CDH5: variants seen among roughly 807,000 people sequenced by gnomAD.
CDH5 encodes cadherin-5.
Under a neutral mutation model 62.0 loss-of-function variants are expected in CDH5, and 28 were observed. The ratio of observed to expected loss-of-function variants is 0.45; its 90% CI spans 0.33 to 0.62. The LOEUF (loss-of-function observed/expected upper bound fraction) is 0.62. Among genes scored for constraint, CDH5 ranks in the 20% least tolerant of loss-of-function variants. The probability of loss-of-function intolerance (pLI) is 0.02; values close to 1 mark genes in which losing one functional copy is unlikely to be tolerated. For missense variants in CDH5, 940 were observed against 1,065.1 expected, an observed-to-expected ratio of 0.88 and a Z score of 1.63; for synonymous variants, 464 against 445.8, an observed-to-expected ratio of 1.04 and a Z score of -0.52.
In CDH5 at chr16:66,386,861, A is replaced by G; in HGVS notation, c.263A>G (p.Tyr88Cys). 1.9e-6 allele frequency: 3 copies of G among 1,614,124 alleles called. No individual in the cohort carries two copies. The highest frequency in any genetic ancestry group is 2.5e-6 in the Non-Finnish European group (3 of 1,180,000). Residue 88 changes from tyrosine (Y) to cysteine (C), a missense_variant, in exon 3 of 12, where the codon TAT (tyrosine) becomes TGT (cysteine). By Grantham distance (194) the Tyr-to-Cys change is radical. Coordinates refer to ENST00000341529, the MANE Select transcript of CDH5 (RefSeq NM_001795.5). Reference protein sequence around the residue: ...KNAKYLLKGEYVGKVFRVDAE... With the variant: ...KNAKYLLKGECVGKVFRVDAE... ...GCCAAGTACCTGCTCAAAGGAGAAT[A>G]TGTGGGCAAGGTCTTCCGGGTCGAT... is the stretch of plus-strand genomic sequence containing the variant.
At chr16:66,391,196 C>T (rs761567316) in intron 6 of CDH5, among the ~76,000 whole-genome samples, 2 of 152,196 alleles carry the variant, frequency 1.3e-5, no homozygotes, top group Non-Finnish European at 2.9e-5. Flanking sequence ...GAGTCCTTCT[C>T]TGAACCAGCC....
chr16:66,378,797 C>A (rs904728287), intron 1 of CDH5, among the ~76,000 whole-genome samples: 2 of 152,134 alleles, frequency 1.3e-5, no homozygotes, highest in African/African-American at 4.8e-5. Context: ...CTCCCCAGTT[C>A]GGAGTTCATC....
At position 66,398,005 on chromosome 16, in the gene CDH5, A is replaced by G; in HGVS notation, c.1384A>G (p.Ile462Val). Residue 462 changes from isoleucine (I) to valine (V), a missense_variant, in exon 9 of 12, where the codon ATT becomes GTT. By Grantham distance (29) the Ile-to-Val change is conservative. Transcript: ENST00000341529. ...AGGAACCCCCACAGGAAAAGAATCCATTGTGCAAGTCCACATTGAAGTTTT... is the reference window on the plus strand; with the variant it reads ...AGGAACCCCCACAGGAAAAGAATCCGTTGTGCAAGTCCACATTGAAGTTTT... ...STGTPTGKES[I>V]VQVHIEVLDE... is the part of the protein sequence containing the mutation. The G allele has an allele frequency of 2.5e-6, 4 of 1,614,222 alleles. No homozygotes were observed. Among genetic ancestry groups the G allele is most frequent in the Non-Finnish European group, 3.4e-6 (4 of 1,180,034 alleles).
intron 1 of CDH5, among the ~76,000 whole-genome samples, chr16:66,370,159 C>T (rs1960660204): frequency 6.6e-6 from 1 of 152,124 alleles, no homozygotes; most frequent in Admixed American, 6.5e-5. Flanking sequence ...TGCTACCATG[C>T]CTAGCTAATT....
intron 1 of CDH5, among the ~76,000 whole-genome samples, chr16:66,374,276 G>A (rs1460724891): frequency 3.9e-5 from 6 of 152,194 alleles, no homozygotes; most frequent in African/African-American, 1.4e-4. Flanking sequence ...CTGGCATGGG[G>A]GTGCAAATGG....
chr16:66,375,186 C>T (rs545029681), intron 1 of CDH5, among the ~76,000 whole-genome samples: 19 of 152,234 alleles, frequency 1.2e-4, no homozygotes, highest in South Asian at 8.3e-4. Context: ...AATTTTAACA[C>T]GACAGCAAGT....
At chr16:66,379,735 G>C (rs192783473) in intron 2 of CDH5, among the ~76,000 whole-genome samples, 188 bp downstream of exon 2, 4 of 152,170 alleles carry the variant, frequency 2.6e-5, no homozygotes, top group Admixed American at 2.6e-4. Context: ...TGGTGGTAAT[G>C]GTAGCAATGG....
intron 9 of CDH5, 135 bp from the exon 10 acceptor site, chr16:66,398,321 G>A (rs926491851): frequency 2.7e-5 from 21 of 774,456 alleles, no homozygotes; most frequent in Admixed American, 6.5e-5. Flanking sequence ...GCTTTATGAA[G>A]AACTAAATAG....
intron 1 of CDH5, among the ~76,000 whole-genome samples, chr16:66,374,954 C>T (rs538247315): frequency 2.0e-5 from 3 of 152,094 alleles, no homozygotes; most frequent in African/African-American, 7.2e-5. Flanking sequence ...CCTCTCCCCC[C>T]ACCCCACGAC....
At chr16:66,389,591 G>A in intron 5 of CDH5, 69 bp downstream of exon 5, 1 of 1,332,074 alleles carries the variant, frequency 7.5e-7, no homozygotes, top group Non-Finnish European at 1.0e-6. Flanking sequence ...TTGGGGCTCT[G>A]GGAAAAGAGT....
intron 7 of CDH5, chr16:66,392,587 T>G (rs1961108402): frequency 1.6e-6 from 1 of 619,816 alleles, no homozygotes; most frequent in Admixed American, 3.0e-5. Context: ...CCACCTAGCA[T>G]GGTCCTGGGC....
chr16:66,396,021 G>C, intron 7 of CDH5, 38 bp from the exon 8 acceptor site: 14 of 1,607,348 alleles, frequency 8.7e-6, no homozygotes, highest in Non-Finnish European at 1.2e-5. Flanking sequence ...ACTCAGCAAA[G>C]AACAATGGAA....
chr16:66,379,694 A>T lies in CDH5; in HGVS notation c.210+147A>T, dbSNP rs114680790. ...GATGATAAGGGTGAAGGTGGTAGCA[A>T]TAGTGGTAGAGGTCGTGGTGGTAGA... On this transcript the variant is annotated intron_variant, in intron 2 of 11. Transcript: ENST00000341529. 5.4e-5 allele frequency: 37 copies of T among 687,298 alleles called. No homozygotes were observed. The African/African-American group carries it at 6.2e-4, about 11-fold the overall frequency. 42.6% of individuals were successfully genotyped at this position (687,298 alleles called of 1,614,324 possible). A position where few individuals can be genotyped will look rare whatever the true frequency, so the allele number is the denominator to read the frequency against.
chr16:66,383,336 C>T (rs1179600349), intron 2 of CDH5, among the ~76,000 whole-genome samples: 6 of 152,082 alleles, frequency 3.9e-5, no homozygotes, highest in Non-Finnish European at 7.4e-5. Context: ...GTTCATACTC[C>T]GGGAAAAAGA....
intron 1 of CDH5, chr16:66,377,275 GC>G (rs1960803336): frequency 6.6e-6 from 1 of 152,192 alleles, no homozygotes; most frequent in Non-Finnish European, 1.5e-5. Context: ...CCCTTCAAGG[GC>G]CTCAAGTCTC....
chr16:66,403,181 C>T lies in CDH5; in HGVS notation c.*12C>T, dbSNP rs1961329677. 3 of 1,597,974 alleles carry T rather than the reference C, an allele frequency of 1.9e-6. No homozygotes were observed. The highest frequency in any genetic ancestry group is 1.1e-5 in the South Asian group (1 of 89,348). Reference sequence around the variant, plus strand: ...AGCTGCTGTATTAGGCGGCCGAGGTCACTCTGGGCCTGGGGACCCAAACCC... The same window carrying T: ...AGCTGCTGTATTAGGCGGCCGAGGTTACTCTGGGCCTGGGGACCCAAACCC... On this transcript the variant is annotated 3_prime_UTR_variant, in exon 12 of 12. Coordinates refer to ENST00000341529, the MANE Select transcript of CDH5 (RefSeq NM_001795.5). This position sits in a 1 kb window ranked among gnomAD's most constrained non-coding sequence, Gnocchi z 4.3.
chr16:66,384,153 T>G (rs1278389874), intron 2 of CDH5, among the ~76,000 whole-genome samples: 1 of 149,150 alleles, frequency 6.7e-6, no homozygotes, highest in Non-Finnish European at 1.5e-5. Context: ...GGCGTGATCT[T>G]GGCTCACTGC....
rs746778614 is a variant in CDH5, at chr16:66,387,094, G to C, written c.496G>C (p.Val166Leu). 5.0e-6 allele frequency: 8 copies of C among 1,609,238 alleles called. No homozygotes were observed. The highest frequency in any genetic ancestry group is 2.7e-5 in the African/African-American group (2 of 74,878). The change falls in exon 3 of 12, where the codon GTG (valine) becomes CTG (leucine). Residue 166 changes from valine (V) to leucine (L), a missense_variant. Coordinates refer to ENST00000341529, the MANE Select transcript of CDH5 (RefSeq NM_001795.5). ...TGCGTCCGTGCCTGAGTCGTCGGCT[G>C]TGGGTACGTTGCATGCCCACTCTGT... is the stretch of plus-strand genomic sequence containing the variant. ...FNASVPESSA[V>L]GTSVISVTAV...
intron 6 of CDH5, among the ~76,000 whole-genome samples, chr16:66,391,885 G>A (rs1213855296): frequency 6.6e-6 from 1 of 152,190 alleles, no homozygotes; most frequent in African/African-American, 2.4e-5. Context: ...TGGAAATAGG[G>A]CCAGGCACAC....
Sources: gnomAD v4.1 joint callset for allele counts (sites outside exome capture counted in the v4.1 genomes callset) on GRCh38, gnomAD v4.1.1 for gene constraint, Gnocchi (gnomAD v3.1) non-coding constraint, MANE v1.5 for transcripts, NCBI Gene and HGNC (gene_info 2026-07-23, HGNC 2026-07-21) for gene names.